The following KIAA0319 variants were observed in gnomAD, a reference collection of about 807,000 sequenced individuals.
The protein encoded by KIAA0319 is dyslexia-associated protein KIAA0319.
KIAA0319 carries 83 observed loss-of-function variants against 108.4 expected under a neutral mutation model. The observed-to-expected ratio is 0.77, with a 90% CI of 0.64 to 0.92. The LOEUF (loss-of-function observed/expected upper bound fraction) is 0.92, where lower values mean the gene tolerates loss of function less well. Among genes scored for constraint, KIAA0319 ranks in the 40% least tolerant of loss-of-function variants. The pLI, the probability that KIAA0319 is intolerant of heterozygous loss-of-function variation, is 0.00. For synonymous variants in KIAA0319, 484 were observed against 510.4 expected (o/e 0.95, Z 0.70); for missense variants, 1,195 against 1,322.4 (o/e 0.90, Z 1.49).
At position 24,579,412 on chromosome 6, in the gene KIAA0319, G is replaced by GATATATATATATATATAT. The variant is rs3840133; in HGVS notation, c.1372+428_1372+445dup. On this transcript the variant is annotated intron_variant, in intron 8 of 20. Coordinates refer to ENST00000378214, the MANE Select transcript of KIAA0319 (RefSeq NM_014809.4). The stretch of plus-strand genomic sequence containing the variant: ...GGTCACGGGAGCTCCTCTATATAAA[G>GATATATATATATATATAT]ATATATATATATATATATATCTTAT... 2.8e-3 allele frequency among the ~76,000 whole-genome samples: 358 copies of GATATATATATATATATAT among 127,212 alleles called. 2 individuals carry two copies. Among genetic ancestry groups the GATATATATATATATATAT allele is most frequent in the Middle Eastern group, 0.013 (3 of 240 alleles). The allele number at this position is 127,212 out of a possible 152,430, so 83.5% of individuals were successfully genotyped here.
At chr6:24,588,516 A>G in intron 4 of KIAA0319, 77 bp downstream of exon 4, 1 of 1,265,952 alleles carries the variant, frequency 7.9e-7, no homozygotes, top group Non-Finnish European at 1.1e-6. Context: ...GAATGAGTAA[A>G]CTTTAAAAGT....
At chr6:24,613,521 G>A (rs1276313584) in intron 1 of KIAA0319, among the ~76,000 whole-genome samples, 1 of 152,086 alleles carries the variant, frequency 6.6e-6, no homozygotes, top group African/African-American at 2.4e-5. Flanking sequence ...TGAAGAGAAA[G>A]AGCTGACATT....
In KIAA0319 at chr6:24,579,909, G is replaced by A; in HGVS notation, c.1321C>T (p.Gln441Ter). 1 of 1,602,672 alleles carries A rather than the reference G, an allele frequency of 6.2e-7. No individual in the cohort carries two copies. The highest frequency in any genetic ancestry group is 8.5e-7 in the Non-Finnish European group (1 of 1,174,058). ...AAAGGCAAAGTGAGCTCTTGCAGTT[G>A]GGGAGAAACAACTGCTACAGGTGGC... is the stretch of plus-strand genomic sequence containing the variant. ...NLPPVAVVSPQLQELTLPLTS... is the reference protein window; with the variant it reads ...NLPPVAVVSP The change falls in exon 8 of 21, where the codon CAA becomes TAA. Residue 441 changes from glutamine (Q) to a stop codon, truncating the protein, a stop_gained. Transcript: ENST00000378214. LOFTEE classifies it high-confidence loss of function.
intron 17 of KIAA0319, among the ~76,000 whole-genome samples, chr6:24,557,145 C>A (rs981730982): frequency 3.3e-5 from 5 of 152,070 alleles, no homozygotes; most frequent in Non-Finnish European, 5.9e-5. Context: ...TTGGAGGTTG[C>A]AGTGAGCCGA....
At chr6:24,578,069 G>T (rs574239437) in intron 9 of KIAA0319, 41 bp downstream of exon 9, 11 of 1,548,508 alleles carry the variant, frequency 7.1e-6, no homozygotes, top group Non-Finnish European at 8.7e-6. Context: ...CAGTCAAAAT[G>T]TAAGTAGCAG....
chr6:24,567,321 A>G (rs1050689355), intron 13 of KIAA0319, among the ~76,000 whole-genome samples: 2 of 152,182 alleles, frequency 1.3e-5, no homozygotes, highest in Admixed American at 1.3e-4. Flanking sequence ...GGGCAACACA[A>G]CAAGTCTCCA....
chr6:24,580,786 G>A (rs544474487), intron 7 of KIAA0319, 140 bp downstream of exon 7: 61 of 631,312 alleles, frequency 9.7e-5, no homozygotes, highest in African/African-American at 2.0e-4. Context: ...TAATCTTTGC[G>A]TGTTTTCTCT....
At chr6:24,644,427 T>C (rs1014090822) in intron 1 of KIAA0319, among the ~76,000 whole-genome samples, 1 of 152,242 alleles carries the variant, frequency 6.6e-6, no homozygotes, top group East Asian at 1.9e-4. Context: ...TGGTGATTTT[T>C]TTATGACCAG....
intron 2 of KIAA0319, chr6:24,598,155 A>C (rs9356936): frequency 0.062 from 27,686 of 449,790 alleles, 3,150 homozygotes; most frequent in East Asian, 0.44. Flanking sequence ...GCAGCTTCCA[A>C]GGTGGCCTGG....
rs1400164148 is a variant in KIAA0319 at position 24,588,577 on chromosome 6, A to G, written c.994+16T>C. On this transcript the variant is annotated intron_variant, in intron 4 of 20. Transcript: ENST00000378214. ...TCTTCAGTACATTTCTTGAAATTGT[A>G]TTTTTTAAAAGTTACCTGTCCTGGG... The G allele has an allele frequency of 6.2e-7, 1 of 1,601,134 alleles. No individual in the cohort carries two copies. The highest frequency in any genetic ancestry group is 8.5e-7 in the Non-Finnish European group (1 of 1,170,164).
chr6:24,549,784 G>A (rs568792524), intron 20 of KIAA0319, among the ~76,000 whole-genome samples: 32 of 152,214 alleles, frequency 2.1e-4, no homozygotes, highest in African/African-American at 6.3e-4. Flanking sequence ...ATTAGTTCAC[G>A]GGTGAAACTG....
chr6:24,581,774 C>T (rs1219408989), intron 6 of KIAA0319, among the ~76,000 whole-genome samples: 2 of 152,210 alleles, frequency 1.3e-5, no homozygotes, highest in Admixed American at 1.3e-4. Flanking sequence ...CATCCAAAGC[C>T]TCTTAACCAT....
At chr6:24,595,546 C>CAAAAAAAAAAA (rs60291863) in intron 3 of KIAA0319, among the ~76,000 whole-genome samples, 2 of 43,260 alleles carry the variant, frequency 4.6e-5, no homozygotes, top group African/African-American at 8.6e-5. Flanking sequence ...GATTCAATCT[C>CAAAAAAAAAAA]AAAAAAAAAA....
At chr6:24,556,460 C>T (rs1762297389) in intron 18 of KIAA0319, 147 bp downstream of exon 18, 16 of 854,784 alleles carry the variant, frequency 1.9e-5, no homozygotes, top group Non-Finnish European at 2.8e-5. Flanking sequence ...CATCACCATG[C>T]CTGGCTTATT....
chr6:24,550,784 G>A (rs1266982354), intron 20 of KIAA0319, among the ~76,000 whole-genome samples: 2 of 152,136 alleles, frequency 1.3e-5, no homozygotes, highest in Non-Finnish European at 2.9e-5. Context: ...AAAAAAGCAG[G>A]TGCTGGGGAC....
chr6:24,562,156 A>G (rs186535913), intron 16 of KIAA0319, among the ~76,000 whole-genome samples: 6 of 152,346 alleles, frequency 3.9e-5, no homozygotes, highest in Admixed American at 2.0e-4. Flanking sequence ...CTATAAAGTC[A>G]GTAGTAATGT....
At chr6:24,628,615 G>A (rs536943933) in intron 1 of KIAA0319, among the ~76,000 whole-genome samples, 6 of 152,064 alleles carry the variant, frequency 3.9e-5, no homozygotes, top group Middle Eastern at 3.4e-3. Flanking sequence ...ACTAAGCACC[G>A]GAAAACAACA....
intron 10 of KIAA0319, among the ~76,000 whole-genome samples, chr6:24,574,779 T>G (rs1361625565): frequency 6.6e-6 from 1 of 151,990 alleles, no homozygotes; most frequent in East Asian, 1.9e-4. Flanking sequence ...AAATTTGAAA[T>G]GCACCCTTTT....
intron 1 of KIAA0319, among the ~76,000 whole-genome samples, chr6:24,639,846 T>TAAAAAAAAAAAAAAA (rs34542799): frequency 7.4e-6 from 1 of 134,886 alleles, no homozygotes. Context: ...GACTCCATCT[T>TAAAAAAAAAAAAAAA]AAAAAAAAAA....
Sources: gnomAD v4.1 joint callset for allele counts (sites outside exome capture counted in the v4.1 genomes callset) on GRCh38, gnomAD v4.1.1 for gene constraint, MANE v1.5 for transcripts, NCBI Gene and HGNC (gene_info 2026-07-23, HGNC 2026-07-21) for gene names.